Variants in SLC26A2 observed in about 807,000 individuals in gnomAD.
SLC26A2 encodes the protein sulfate transporter.
In SLC26A2, 36 loss-of-function variants were observed where a neutral mutation model predicts 41.1. The ratio of observed to expected loss-of-function variants is 0.88; its 90% CI spans 0.67 to 1.16. SLC26A2 has a LOEUF of 1.16. SLC26A2 is among the 50% of genes most tolerant of loss of function. The pLI, the probability that SLC26A2 is intolerant of heterozygous loss-of-function variation, is 0.00. For synonymous variants in SLC26A2, 291 were observed against 311.6 expected, an observed-to-expected ratio of 0.93 and a Z score of 0.70; for missense variants, 796 against 869.6, an observed-to-expected ratio of 0.92 and a Z score of 1.07.
intron 1 of SLC26A2, among the ~76,000 whole-genome samples, chr5:149,973,690 A>C (rs893560061): frequency 6.6e-6 from 1 of 152,074 alleles, no homozygotes; most frequent in Non-Finnish European, 1.5e-5. Flanking sequence ...GCTAAAGTGC[A>C]GTGGTGTGAT....
rs1755136842 is a variant in SLC26A2, at chr5:149,983,117, A to G, written c.*1304A>G. On this transcript the variant is annotated 3_prime_UTR_variant, in exon 3 of 3. Transcript: ENST00000286298. Reference sequence around the variant, plus strand: ...TAAATATTTATGAGAAGCAAACCCTATGTGTAGGGCATCTGTTGGAGTGGG... The same window carrying G: ...TAAATATTTATGAGAAGCAAACCCTGTGTGTAGGGCATCTGTTGGAGTGGG... The G allele has an allele frequency of 6.6e-6, 1 of 151,606 alleles. No individual in the cohort carries two copies. Among genetic ancestry groups the G allele is most frequent in the Non-Finnish European group, 1.5e-5 (1 of 67,664 alleles). 9.4% of individuals were successfully genotyped at this position (151,606 alleles called of 1,614,324 possible).
intron 1 of SLC26A2, among the ~76,000 whole-genome samples, chr5:149,971,165 C>T (rs1754892566): frequency 6.6e-6 from 1 of 152,204 alleles, no homozygotes; most frequent in African/African-American, 2.4e-5. Context: ...ACAGTATTAA[C>T]TTCTCAGTCT....
chr5:149,977,589 T>G (rs1425782846), intron 1 of SLC26A2, 39 bp from the exon 2 acceptor site: 4 of 1,049,232 alleles, frequency 3.8e-6, no homozygotes, highest in Admixed American at 1.7e-5. Context: ...GCACTGAGAA[T>G]TACTTTATTG....
chr5:149,981,315 TA>T lies in SLC26A2; in HGVS notation c.1724del (p.Lys575SerfsTer10), dbSNP rs386833498. The T allele has an allele frequency of 3.1e-5, 50 of 1,614,040 alleles. No homozygotes were observed. The highest frequency in any genetic ancestry group is 3.3e-4 in the Middle Eastern group (2 of 6,084). On this transcript the variant is annotated frameshift_variant, in exon 3 of 3. Transcript: ENST00000286298. LOFTEE classifies it high-confidence loss of function. The stretch of plus-strand genomic sequence containing the variant: ...TGTCTGCTTACAAGAACCTTCAGAT[TA>T]AGCCAGGCATCAAGATTTTCCGCTT... ...SVSAYKNLQI[K>X]PGIKIFRFVA... is the part of the protein sequence containing the mutation.
intron 1 of SLC26A2, among the ~76,000 whole-genome samples, chr5:149,974,466 A>G (rs184983784): frequency 2.0e-5 from 3 of 151,604 alleles, no homozygotes; most frequent in African/African-American, 7.2e-5. Context: ...CTTTGTCACC[A>G]TGCTGGAGTG....
In SLC26A2 at chr5:149,986,084, T is replaced by C. The variant is rs952132542; in HGVS notation, c.*4271T>C. The C allele has an allele frequency of 4.6e-5, 7 of 152,250 alleles. No individual in the cohort carries two copies. Among genetic ancestry groups the C allele is most frequent in the African/African-American group, 1.7e-4 (7 of 41,460 alleles). The allele number at this position is 152,250 out of a possible 1,614,324, so 9.4% of individuals were successfully genotyped here. On this transcript the variant is annotated 3_prime_UTR_variant, in exon 3 of 3. Transcript: ENST00000286298. ...TTATCCATCCCAGTGATGCCTTATT[T>C]GAAACTGGGCTTAAACTGCAAAAAG... is the stretch of plus-strand genomic sequence containing the variant.
chr5:149,975,729 A>C (rs1314781239), intron 1 of SLC26A2, among the ~76,000 whole-genome samples: 1 of 152,254 alleles, frequency 6.6e-6, no homozygotes, highest in Non-Finnish European at 1.5e-5. Flanking sequence ...GGTTACTTTT[A>C]CATATCTTGT....
intron 1 of SLC26A2, among the ~76,000 whole-genome samples, chr5:149,967,492 G>T (rs1004785633): frequency 6.6e-6 from 1 of 151,998 alleles, no homozygotes; most frequent in Admixed American, 6.6e-5. Context: ...TCTTTTGGTG[G>T]AGGTGTCAGG....
Position 149,980,388 on chromosome 5 carries a change from T to TA in SLC26A2, c.796dup (p.Thr266AsnfsTer16), listed in dbSNP as rs767996373. ...TCACTGGTGCCTCCTTCACTATTCTTACATCTCAGGCCAAGTATCTTCTTG... is the reference window on the plus strand; with the variant it reads ...TCACTGGTGCCTCCTTCACTATTCTTAACATCTCAGGCCAAGTATCTTCTTG... On this transcript the variant is annotated frameshift_variant, in exon 3 of 3. Coordinates refer to ENST00000286298, the MANE Select transcript of SLC26A2 (RefSeq NM_000112.4). LOFTEE classifies it high-confidence loss of function. The TA allele has an allele frequency of 2.5e-6, 4 of 1,614,166 alleles. No individual in the cohort carries two copies. The South Asian group carries it at 3.3e-5, about 13-fold the overall frequency.
At position 149,981,605 on chromosome 5, in the gene SLC26A2, G is replaced by A. The variant is rs1038419867; in HGVS notation, c.2012G>A (p.Arg671His). The change falls in exon 3 of 3, where the codon CGC (arginine) becomes CAC (histidine). Residue 671 changes from arginine to histidine, a missense_variant. Transcript: ENST00000286298. ...TAGIHTLKEV[R>H]RDYEAIGIQV... ...GGGATCCACACACTGAAAGAAGTTC[G>A]CAGAGATTATGAAGCCATTGGAATC... is the stretch of plus-strand genomic sequence containing the variant. 18 of 1,613,996 alleles carry A rather than the reference G, an allele frequency of 1.1e-5. No homozygotes were observed. Among genetic ancestry groups the A allele is most frequent in the East Asian group, 4.5e-5 (2 of 44,886 alleles).
intron 1 of SLC26A2, among the ~76,000 whole-genome samples, chr5:149,975,126 T>C (rs1486726901): frequency 6.6e-6 from 1 of 152,178 alleles, no homozygotes; most frequent in Admixed American, 6.5e-5. Context: ...TTATGTTACA[T>C]TGTTGATATT....
At chr5:149,974,658 T>C (rs1314852461) in intron 1 of SLC26A2, among the ~76,000 whole-genome samples, 1 of 151,196 alleles carries the variant, frequency 6.6e-6, no homozygotes, top group Admixed American at 6.6e-5. Context: ...CTCTTGACCT[T>C]GTGATCTGCC....
intron 2 of SLC26A2, among the ~76,000 whole-genome samples, chr5:149,978,851 C>T (rs1306411148): frequency 6.6e-6 from 1 of 151,766 alleles, no homozygotes; most frequent in Non-Finnish European, 1.5e-5. Flanking sequence ...CCACACCTGG[C>T]TAATTTTATT....
At position 149,980,417 on chromosome 5, in the gene SLC26A2, T is replaced by A; in HGVS notation, c.824T>A (p.Leu275His). Residue 275 changes from leucine to histidine, a missense_variant, in exon 3 of 3, where the codon CTC becomes CAC. Transcript: ENST00000286298. Reference protein sequence around the residue: ...LTSQAKYLLGLNLPRTNGVGS... With the variant: ...LTSQAKYLLGHNLPRTNGVGS... ...TCTCAGGCCAAGTATCTTCTTGGGC[T>A]CAACCTTCCTCGGACTAATGGTGTG... is the stretch of plus-strand genomic sequence containing the variant. 6.2e-7 allele frequency: 1 copy of A among 1,614,144 alleles called. No homozygotes were observed. The highest frequency in any genetic ancestry group is 8.5e-7 in the Non-Finnish European group (1 of 1,180,024).
chr5:149,966,359 G>C (rs1236888607), intron 1 of SLC26A2, among the ~76,000 whole-genome samples: 1 of 152,206 alleles, frequency 6.6e-6, no homozygotes, highest in Non-Finnish European at 1.5e-5. Flanking sequence ...TGACTTGCCT[G>C]GAGTCCAGGG....
intron 1 of SLC26A2, among the ~76,000 whole-genome samples, chr5:149,967,788 C>T (rs556391688): frequency 6.6e-6 from 1 of 151,942 alleles, no homozygotes; most frequent in East Asian, 1.9e-4. Flanking sequence ...GTTATTCTGT[C>T]ACCTGGGCTA....
At chr5:149,973,471 G>T (rs1754938474) in intron 1 of SLC26A2, among the ~76,000 whole-genome samples, 1 of 151,402 alleles carries the variant, frequency 6.6e-6, no homozygotes, top group Non-Finnish European at 1.5e-5. Flanking sequence ...CTCTCTCTGT[G>T]TTTCTCTCTC....
chr5:149,971,650 T>C (rs1220211520), intron 1 of SLC26A2, among the ~76,000 whole-genome samples: 1 of 152,194 alleles, frequency 6.6e-6, no homozygotes, highest in Admixed American at 6.5e-5. Flanking sequence ...GCCACCCGCC[T>C]CAGCCTCCCA....
chr5:149,975,224 A>G (rs1281172527), intron 1 of SLC26A2, among the ~76,000 whole-genome samples: 1 of 152,000 alleles, frequency 6.6e-6, no homozygotes, highest in African/African-American at 2.4e-5. Context: ...GAGTTCATCG[A>G]TTCTTTCTTT....
Sources: gnomAD v4.1 joint callset for allele counts (sites outside exome capture counted in the v4.1 genomes callset) on GRCh38, gnomAD v4.1.1 for gene constraint, MANE v1.5 for transcripts, NCBI Gene and HGNC (gene_info 2026-07-23, HGNC 2026-07-21) for gene names.